Variants in PDXK observed in about 807,000 individuals in gnomAD.
PDXK encodes the protein pyridoxal kinase.
A neutral mutation model predicts 43.2 loss-of-function variants in PDXK; 15 were observed. The ratio of observed to expected loss-of-function variants is 0.35; its 90% confidence interval spans 0.23 to 0.53. The LOEUF is 0.53. PDXK is among the 20% of genes least tolerant of loss of function. The probability of loss-of-function intolerance (pLI) is 0.92; values close to 1 mark genes in which losing one functional copy is unlikely to be tolerated. For synonymous variants in PDXK, 172 were observed against 165.4 expected, an observed-to-expected ratio of 1.04 and a Z score of -0.31; for missense variants, 343 against 417.0, an observed-to-expected ratio of 0.82 and a Z score of 1.54.
chr21:43,743,752 C>T lies in PDXK; in HGVS notation c.276C>T (p.Ala92=). 9 of 1,613,736 alleles carry T rather than the reference C, an allele frequency of 5.6e-6. 1 individual carries two copies. Among genetic ancestry groups the T allele is most frequent in the Non-Finnish European group, 7.6e-6 (9 of 1,179,732 alleles). The change falls in exon 4 of 11, where the codon GCC becomes GCT. Residue 92 remains alanine, a synonymous_variant. Coordinates refer to ENST00000291565, the MANE Select transcript of PDXK (RefSeq NM_003681.5). ...ATACGAGGGACAAGTCGTTCCTGGCCATGGTGGTGGACATTGTGCAGGAGC... is the reference window on the plus strand; with the variant it reads ...ATACGAGGGACAAGTCGTTCCTGGCTATGGTGGTGGACATTGTGCAGGAGC... The part of the protein sequence containing the change: ...TGYTRDKSFL[A]MVVDIVQELK...
chr21:43,734,014 G>A lies in PDXK; in HGVS notation c.88-55G>A, dbSNP rs371440999. On this transcript the variant is annotated intron_variant, in intron 1 of 10. Transcript: ENST00000291565. This position sits in a 1 kb window ranked among gnomAD's most constrained non-coding sequence, Gnocchi z 5.0. ...TCTGAGTCAGCACCTGCTGGGGTTC[G>A]TGGGACCCCAGACCTGGCTCTCTTA... is the stretch of plus-strand genomic sequence containing the variant. 13 of 1,561,112 alleles carry A rather than the reference G, an allele frequency of 8.3e-6. No homozygotes were observed. The highest frequency in any genetic ancestry group is 4.4e-5 in the South Asian group (4 of 89,986).
At chr21:43,733,039 C>A (rs2083341078) in intron 1 of PDXK, among the ~76,000 whole-genome samples, 1 of 152,200 alleles carries the variant, frequency 6.6e-6, no homozygotes, top group Non-Finnish European at 1.5e-5. Context: ...TGAGCCACTG[C>A]ACCTGGCCGC....
At position 43,746,121 on chromosome 21, in the gene PDXK, C is replaced by T. The variant is rs77734576; in HGVS notation, c.374C>T (p.Ser125Leu). ...GGTGACAAGTGGGACGGCGAAGGCT[C>T]GATGGTGAGTAGTTTCACGTGTGTG... ...VLGDKWDGEG[S>L]MYVPEDLLPV... Residue 125 changes from serine (S) to leucine (L), a missense_variant, in exon 5 of 11, where the codon TCG becomes TTG. By Grantham distance (145) the Ser-to-Leu change is moderately radical. Coordinates refer to ENST00000291565, the MANE Select transcript of PDXK (RefSeq NM_003681.5). The T allele has an allele frequency of 2.9e-3, 4,736 of 1,612,004 alleles. 17 individuals carry two copies. The highest frequency in any genetic ancestry group is 3.5e-3 in the Non-Finnish European group (4,128 of 1,178,082).
intron 3 of PDXK, 52 bp downstream of exon 3, chr21:43,741,823 G>A (rs759397666): frequency 1.6e-6 from 2 of 1,284,210 alleles, no homozygotes; most frequent in Non-Finnish European, 2.2e-6. Flanking sequence ...ACTCCAGCCA[G>A]GGTGGGCTCA....
rs1311020544 is a variant in PDXK, at chr21:43,749,058, A to G, written c.442A>G (p.Thr148Ala). The G allele has an allele frequency of 3.1e-6, 5 of 1,610,056 alleles. No individual in the cohort carries two copies. Among genetic ancestry groups the G allele is most frequent in the Non-Finnish European group, 4.2e-6 (5 of 1,176,588 alleles). ...EKVVPLADII[T>A]PNQFEAELLS... is the part of the protein sequence containing the mutation. ...AGTGGTGCCGCTTGCAGACATTATC[A>G]CGCCCAACCAGTTTGAGGCCGAGTA... The change falls in exon 6 of 11, where the codon ACG becomes GCG. Residue 148 changes from threonine (T) to alanine (A), a missense_variant. Physicochemically the swap from Thr to Ala is moderately conservative, Grantham distance 58. Transcript: ENST00000291565.
chr21:43,720,368 G>A (rs1011279945), intron 1 of PDXK, among the ~76,000 whole-genome samples: 3 of 152,206 alleles, frequency 2.0e-5, no homozygotes, highest in Non-Finnish European at 4.4e-5. Flanking sequence ...TGGGCACGGC[G>A]GGGCCTGCGG....
intron 1 of PDXK, 122 bp downstream of exon 1, chr21:43,719,503 G>T (rs2083188306): frequency 7.6e-7 from 1 of 1,320,194 alleles, no homozygotes; most frequent in Admixed American, 2.9e-5. Context: ...CCTGGCGCGG[G>T]CGCCCTGGAG....
At chr21:43,748,696 C>A (rs2083680273) in intron 5 of PDXK, among the ~76,000 whole-genome samples, 5 of 152,164 alleles carry the variant, frequency 3.3e-5, no homozygotes, top group Admixed American at 3.3e-4. Context: ...TCCCTCCTCC[C>A]TCCCTCCCTC....
intron 2 of PDXK, among the ~76,000 whole-genome samples, chr21:43,739,849 A>G (rs908931319): frequency 7.2e-5 from 11 of 151,798 alleles, no homozygotes; most frequent in Non-Finnish European, 1.3e-4. Context: ...ATCCGAGGGC[A>G]GAAAGGACCA....
chr21:43,749,579 G>C (rs1326071166), intron 6 of PDXK, among the ~76,000 whole-genome samples: 3 of 152,372 alleles, frequency 2.0e-5, no homozygotes, highest in African/African-American at 7.2e-5. Flanking sequence ...AGGATGTGGT[G>C]GGGGCGCCTG....
chr21:43,719,958 G>T, intron 1 of PDXK: 2 of 981,938 alleles, frequency 2.0e-6, no homozygotes, highest in South Asian at 9.4e-5. Flanking sequence ...CCGAAGGGAA[G>T]AGGGTGGGGC....
chr21:43,744,243 C>A (rs1040918175), intron 4 of PDXK, among the ~76,000 whole-genome samples: 2 of 151,964 alleles, frequency 1.3e-5, no homozygotes, highest in African/African-American at 4.8e-5. Flanking sequence ...GGGAGGGTCA[C>A]ACCCAGGCTG....
chr21:43,719,972 G>A lies in PDXK; in HGVS notation c.87+591G>A, dbSNP rs547687273. ...GCCGAAGGGAAGAGGGTGGGGCAGG[G>A]GCTGCTCTGCACCCTCTAGCAGAGC... On this transcript the variant is annotated intron_variant, in intron 1 of 10. Coordinates refer to ENST00000291565, the MANE Select transcript of PDXK (RefSeq NM_003681.5). 13 of 961,294 alleles carry A rather than the reference G, an allele frequency of 1.4e-5. No homozygotes were observed. The South Asian group carries it at 2.9e-4, about 21-fold the overall frequency. The allele number at this position is 961,294 out of a possible 1,614,324, so 59.5% of individuals were successfully genotyped here. A position where few individuals can be genotyped will look rare whatever the true frequency, so the allele number is the denominator to read the frequency against.
chr21:43,743,115 C>T (rs895304460), intron 3 of PDXK, among the ~76,000 whole-genome samples: 1 of 133,824 alleles, frequency 7.5e-6, no homozygotes, highest in African/African-American at 2.9e-5. Context: ...TCCCTCCCCC[C>T]GCTCTGAGCA....
rs1333292351 is a variant in PDXK, at chr21:43,757,897, G to A, written c.*1834G>A. On this transcript the variant is annotated 3_prime_UTR_variant, in exon 11 of 11. Coordinates refer to ENST00000291565, the MANE Select transcript of PDXK (RefSeq NM_003681.5). ...ATCTGCCAGAACCACCTGGCCCTCTGTAGGGCGTTTAACTGGAAATACCCT... is the reference window on the plus strand; with the variant it reads ...ATCTGCCAGAACCACCTGGCCCTCTATAGGGCGTTTAACTGGAAATACCCT... The A allele has an allele frequency of 6.6e-6, 1 of 152,178 alleles. No individual in the cohort carries two copies. The highest frequency in any genetic ancestry group is 1.5e-5 in the Non-Finnish European group (1 of 68,044). The allele number at this position is 152,178 out of a possible 1,614,324, so 9.4% of individuals were successfully genotyped here.
At chr21:43,719,955 G>T (rs1294933451) in intron 1 of PDXK, 2 of 982,426 alleles carry the variant, frequency 2.0e-6, no homozygotes, top group Non-Finnish European at 2.4e-6. Context: ...TGGCCGAAGG[G>T]AAGAGGGTGG....
At chr21:43,725,119 C>G (rs972872414) in intron 1 of PDXK, among the ~76,000 whole-genome samples, 1 of 151,556 alleles carries the variant, frequency 6.6e-6, no homozygotes, top group Non-Finnish European at 1.5e-5. Context: ...ATCAGGAGAT[C>G]GAGACCAGTC....
At chr21:43,727,112 G>A (rs1412198228) in intron 1 of PDXK, among the ~76,000 whole-genome samples, 1 of 152,220 alleles carries the variant, frequency 6.6e-6, no homozygotes, top group South Asian at 2.1e-4. Flanking sequence ...AAAGGGAGGG[G>A]CGGATCCGCA....
chr21:43,752,101 ATG>A (rs66466038), intron 7 of PDXK, among the ~76,000 whole-genome samples: 73,384 of 146,124 alleles, frequency 0.5, 17,878 homozygotes, highest in African/African-American at 0.54. Flanking sequence ...GATGCAGCAC[ATG>A]TGTGTGTGTG....
Sources: gnomAD v4.1 joint callset for allele counts (sites outside exome capture counted in the v4.1 genomes callset) on GRCh38, gnomAD v4.1.1 for gene constraint, Gnocchi (gnomAD v3.1) non-coding constraint, MANE v1.5 for transcripts, NCBI Gene and HGNC (gene_info 2026-07-23, HGNC 2026-07-21) for gene names.